The following PDGFRL variants were observed in gnomAD, a reference collection of about 807,000 sequenced individuals.
PDGFRL encodes platelet derived growth factor receptor like.
A neutral mutation model predicts 37.2 loss-of-function variants in PDGFRL; 46 were observed. That is an observed-to-expected ratio of 1.24 (90% CI 0.98 to 1.58). The LOEUF is 1.58. Among genes scored for constraint, PDGFRL ranks in the 40% most tolerant of loss-of-function variants. PDGFRL has a pLI of 0.00. For synonymous variants in PDGFRL, 251 were observed against 184.3 expected, an observed-to-expected ratio of 1.36 and a Z score of -2.93; for missense variants, 692 against 467.6, an observed-to-expected ratio of 1.48 and a Z score of -4.43.
In PDGFRL at chr8:17,642,868, CT is replaced by C; in HGVS notation, c.*71del. 2.9e-6 allele frequency: 3 copies of C among 1,021,322 alleles called. No homozygotes were observed. Among genetic ancestry groups the C allele is most frequent in the South Asian group, 2.9e-5 (2 of 69,532 alleles). The allele number at this position is 1,021,322 out of a possible 1,614,324, so 63.3% of individuals were successfully genotyped here. On this transcript the variant is annotated 3_prime_UTR_variant, in exon 6 of 6. Transcript: ENST00000251630. ...GTGTACACAGTCAGCTTTGGGGTTC[CT>C]TTTATTAGTGCTTTGCCAGAGGCTG...
intron 2 of PDGFRL, among the ~76,000 whole-genome samples, chr8:17,599,491 G>A (rs766171331): frequency 6.6e-6 from 1 of 152,080 alleles, no homozygotes; most frequent in South Asian, 2.1e-4. Flanking sequence ...AAGTTCCTTT[G>A]CTCTCTGTTC....
chr8:17,609,643 A>AAAT (rs1379071194), intron 2 of PDGFRL, among the ~76,000 whole-genome samples: 2 of 129,882 alleles, frequency 1.5e-5, no homozygotes, highest in Non-Finnish European at 3.3e-5. Flanking sequence ...GTAAAAAAAA[A>AAAT]AAAAAAAAAA....
At chr8:17,599,326 C>A (rs1461165524) in intron 2 of PDGFRL, among the ~76,000 whole-genome samples, 1 of 152,154 alleles carries the variant, frequency 6.6e-6, no homozygotes, top group Non-Finnish European at 1.5e-5. Context: ...TCCCTAAAGT[C>A]CATTGTATCA....
rs929218379 is a variant in PDGFRL at position 17,589,354 on chromosome 8, C to A, written c.56-114C>A. On this transcript the variant is annotated intron_variant, in intron 1 of 5. Coordinates refer to ENST00000251630, the MANE Select transcript of PDGFRL (RefSeq NM_001372073.1). The stretch of plus-strand genomic sequence containing the variant: ...TGAGCTGAGATTATGCCACTGCCCT[C>A]CAACCTGGGCAATAGAGTAAGAATC... 18 of 776,942 alleles carry A rather than the reference C, an allele frequency of 2.3e-5. No homozygotes were observed. In the African/African-American group the frequency reaches 3.1e-4, roughly 14 times the overall value. 48.1% of individuals were successfully genotyped at this position (776,942 alleles called of 1,614,324 possible).
At chr8:17,617,321 C>T (rs1248522769) in intron 2 of PDGFRL, among the ~76,000 whole-genome samples, 2 of 152,252 alleles carry the variant, frequency 1.3e-5, no homozygotes, top group East Asian at 3.9e-4. Context: ...GACGCTTTTT[C>T]CTGGCATTTG....
intron 2 of PDGFRL, among the ~76,000 whole-genome samples, chr8:17,604,050 A>C (rs1009483140): frequency 6.6e-6 from 1 of 152,128 alleles, no homozygotes; most frequent in Non-Finnish European, 1.5e-5. Context: ...GGTGAGGCAG[A>C]CCATGGAGGG....
rs542382134 is a variant in PDGFRL, at chr8:17,591,075, A to G, written c.353+1310A>G. On this transcript the variant is annotated intron_variant, in intron 2 of 5. Coordinates refer to ENST00000251630, the MANE Select transcript of PDGFRL (RefSeq NM_001372073.1). ...TTTTTTGCTTTTTTAGTAGAGACAG[A>G]GTTTCACTATGTTAGCCAGGATGGT... Among the ~76,000 whole-genome samples the G allele has an allele frequency of 4.1e-3, 619 of 151,902 alleles. 2 individuals are homozygous for G. The highest frequency in any genetic ancestry group is 0.014 in the African/African-American group (572 of 41,432).
chr8:17,615,199 A>C (rs1804498621), intron 2 of PDGFRL, among the ~76,000 whole-genome samples: 1 of 152,094 alleles, frequency 6.6e-6, no homozygotes, highest in Admixed American at 6.6e-5. Flanking sequence ...TCCTTTAATT[A>C]ATTACCGGAT....
intron 2 of PDGFRL, among the ~76,000 whole-genome samples, chr8:17,616,168 T>TATTA (rs1804521737): frequency 7.5e-6 from 1 of 133,134 alleles, no homozygotes; most frequent in Non-Finnish European, 1.6e-5. Context: ...TTATTATTGT[T>TATTA]ATTATTTATT....
At chr8:17,606,402 C>T (rs967752347) in intron 2 of PDGFRL, among the ~76,000 whole-genome samples, 3 of 152,154 alleles carry the variant, frequency 2.0e-5, no homozygotes, top group Admixed American at 1.3e-4. Context: ...TCATTCTTAT[C>T]TGGAGCATGG....
intron 2 of PDGFRL, among the ~76,000 whole-genome samples, chr8:17,612,071 C>T (rs1036206476): frequency 3.3e-5 from 5 of 152,058 alleles, no homozygotes; most frequent in African/African-American, 1.2e-4. Flanking sequence ...ATGCTGCACT[C>T]CAAATGATGT....
At chr8:17,607,391 A>G (rs1407392385) in intron 2 of PDGFRL, among the ~76,000 whole-genome samples, 1 of 152,178 alleles carries the variant, frequency 6.6e-6, no homozygotes, top group African/African-American at 2.4e-5. Context: ...TTCTACCTAC[A>G]CCAAATATGT....
intron 1 of PDGFRL, among the ~76,000 whole-genome samples, chr8:17,585,351 A>T (rs887660744): frequency 6.6e-6 from 1 of 151,960 alleles, no homozygotes; most frequent in Non-Finnish European, 1.5e-5. Flanking sequence ...CCCAGCCCCT[A>T]TTCAAGATGG....
At chr8:17,628,286 G>T (rs530090129) in intron 3 of PDGFRL, among the ~76,000 whole-genome samples, 1 of 151,952 alleles carries the variant, frequency 6.6e-6, no homozygotes, top group Admixed American at 6.6e-5. Flanking sequence ...GAGCTACCGC[G>T]CCCAGCCTTC....
At chr8:17,629,992 C>T (rs1011798111) in intron 4 of PDGFRL, among the ~76,000 whole-genome samples, 12 of 152,184 alleles carry the variant, frequency 7.9e-5, no homozygotes, top group African/African-American at 2.9e-4. Flanking sequence ...CTGTACTCCC[C>T]TCTCCTGTCC....
At chr8:17,622,677 T>C (rs1166262546) in intron 3 of PDGFRL, among the ~76,000 whole-genome samples, 1 of 151,942 alleles carries the variant, frequency 6.6e-6, no homozygotes, top group African/African-American at 2.4e-5. Flanking sequence ...CTTAAAAGAG[T>C]GCGTGGAGTA....
chr8:17,638,836 C>T (rs1483030836), intron 5 of PDGFRL, among the ~76,000 whole-genome samples: 2 of 139,428 alleles, frequency 1.4e-5, no homozygotes, highest in Admixed American at 7.6e-5. Context: ...TACATAATGT[C>T]CGTCTTTCTC....
intron 2 of PDGFRL, among the ~76,000 whole-genome samples, chr8:17,594,057 T>C (rs905787937): frequency 2.6e-5 from 4 of 152,022 alleles, no homozygotes; most frequent in African/African-American, 7.2e-5. Flanking sequence ...GTCACCTTGC[T>C]ACTGGCTGTT....
At chr8:17,628,445 G>A (rs749642284) in intron 3 of PDGFRL, 42 bp from the exon 4 acceptor site, 5 of 1,540,334 alleles carry the variant, frequency 3.2e-6, no homozygotes, top group South Asian at 1.1e-5. Context: ...TTTACTTTGC[G>A]TCTCCGGAGT....
Sources: allele counts gnomAD v4.1 joint callset (sites outside exome capture counted in the v4.1 genomes callset), GRCh38; gene constraint gnomAD v4.1.1; transcripts MANE v1.5; gene names NCBI Gene and HGNC (gene_info 2026-07-23, HGNC 2026-07-21).